HOOK1: variants seen among roughly 807,000 people sequenced by gnomAD.
The protein encoded by HOOK1 is hook microtubule tethering protein 1.
In HOOK1, 60 loss-of-function variants were observed where a neutral mutation model predicts 112.8. The ratio of observed to expected loss-of-function variants is 0.53; its 90% CI spans 0.43 to 0.66. HOOK1 has a LOEUF of 0.66. Ranked by LOEUF, HOOK1 falls within the 30% of genes least tolerant of loss-of-function variation. The probability of loss-of-function intolerance (pLI) is 0.00; values close to 1 mark genes in which losing one functional copy is unlikely to be tolerated. For missense variants in HOOK1, 770 were observed against 856.0 expected (o/e 0.90, Z 1.25); for synonymous variants, 294 against 283.8 (o/e 1.04, Z -0.36).
chr1:59,863,062 T>C (rs550340832), intron 16 of HOOK1, among the ~76,000 whole-genome samples, 185 bp downstream of exon 16: 31 of 152,166 alleles, frequency 2.0e-4, no homozygotes, highest in Admixed American at 1.2e-3. Context: ...GTTGATCATC[T>C]ACATTGGAAG....
chr1:59,826,423 GTTGTTTGAGAA>G (rs2098389986), intron 2 of HOOK1, among the ~76,000 whole-genome samples: 1 of 152,068 alleles, frequency 6.6e-6, no homozygotes, highest in Non-Finnish European at 1.5e-5. Flanking sequence ...TGCCATTATA[GTTGTTTGAGAA>G]GGGTGAATTT....
At position 59,850,591 on chromosome 1, in the gene HOOK1, A is replaced by G. The variant is rs577522636; in HGVS notation, c.1242+1408A>G. On this transcript the variant is annotated intron_variant, in intron 12 of 21. Coordinates refer to ENST00000371208, the MANE Select transcript of HOOK1 (RefSeq NM_015888.6). ...CTTTTGTATGTTGATATCCAGTTGT[A>G]CTAGTACCACCAGTTGATAAAACTA... Among the ~76,000 whole-genome samples the G allele has an allele frequency of 1.3e-3, 193 of 151,644 alleles. 1 individual carries two copies. Among genetic ancestry groups the G allele is most frequent in the African/African-American group, 4.4e-3 (181 of 41,512 alleles).
rs767465783 is a variant in HOOK1 at position 59,871,139 on chromosome 1, T to G, written c.2016+29T>G. The G allele has an allele frequency of 1.0e-5, 16 of 1,530,396 alleles. No individual in the cohort carries two copies. In the South Asian group the frequency reaches 1.7e-4, roughly 16 times the overall value. The allele number at this position is 1,530,396 out of a possible 1,614,324, so 94.8% of individuals were successfully genotyped here. ...AGCTGAAGTTCAGCAAATGATTGGA[T>G]GAGAACGGTGTTTAAGCAAACTTTT... On this transcript the variant is annotated intron_variant, in intron 21 of 21. Coordinates refer to ENST00000371208, the MANE Select transcript of HOOK1 (RefSeq NM_015888.6).
chr1:59,861,329 A>G (rs1173017097), intron 15 of HOOK1, among the ~76,000 whole-genome samples: 2 of 152,202 alleles, frequency 1.3e-5, no homozygotes, highest in Non-Finnish European at 2.9e-5. Context: ...TAAGATCTAG[A>G]TTGTGGAATC....
chr1:59,821,904 T>C lies in HOOK1; in HGVS notation c.110T>C (p.Leu37Pro), dbSNP rs749190179. 3 of 1,609,448 alleles carry C rather than the reference T, an allele frequency of 1.9e-6. No individual in the cohort carries two copies. The highest frequency in any genetic ancestry group is 2.5e-6 in the Non-Finnish European group (3 of 1,178,446). The change falls in exon 2 of 22, where the codon CTG becomes CCG. Residue 37 changes from leucine (L) to proline (P), a missense_variant. Around this residue, in one of 3 missense-constraint regions of HOOK1, gnomAD observed 655 missense variants for 725.9 expected, o/e 0.90. Coordinates refer to ENST00000371208, the MANE Select transcript of HOOK1 (RefSeq NM_015888.6). ...TCACCTTGTCAAGATGTCAAACAGCTGACTAGTGGAGTTGCCATGGCACAA... is the reference window on the plus strand; with the variant it reads ...TCACCTTGTCAAGATGTCAAACAGCCGACTAGTGGAGTTGCCATGGCACAA... The part of the protein sequence containing the change: ...TASPCQDVKQ[L>P]TSGVAMAQVL...
chr1:59,815,981 A>G (rs2098381122), intron 1 of HOOK1, among the ~76,000 whole-genome samples: 1 of 152,232 alleles, frequency 6.6e-6, no homozygotes, highest in Non-Finnish European at 1.5e-5. Context: ...CCCACCTCTT[A>G]GAGTTACTTA....
chr1:59,849,077 A>G lies in HOOK1; in HGVS notation c.1136A>G (p.Gln379Arg), dbSNP rs765349436. 1 of 1,602,458 alleles carries G rather than the reference A, an allele frequency of 6.2e-7. No homozygotes were observed. Among genetic ancestry groups the G allele is most frequent in the Admixed American group, 1.7e-5 (1 of 59,268 alleles). ...TCCTTTTGTTTCTGACATTAGGTTC[A>G]AGATCTTCATGTTAAACTTTCCTCC... ...TQLETYKRQV[Q>R]DLHVKLSSES... is the part of the protein sequence containing the mutation. Residue 379 changes from glutamine to arginine, a missense_variant, in exon 12 of 22, where the codon CAA (glutamine) becomes CGA (arginine). Gln to Arg is a conservative substitution (Grantham distance 43, BLOSUM62 1). Coordinates refer to ENST00000371208, the MANE Select transcript of HOOK1 (RefSeq NM_015888.6).
intron 3 of HOOK1, among the ~76,000 whole-genome samples, chr1:59,830,192 A>G (rs1036823296): frequency 6.6e-6 from 1 of 151,960 alleles, no homozygotes; most frequent in Non-Finnish European, 1.5e-5. Context: ...ATAAATATAG[A>G]TTTTGTTAAA....
intron 12 of HOOK1, among the ~76,000 whole-genome samples, chr1:59,852,579 G>T (rs2098407768): frequency 1.4e-5 from 2 of 145,294 alleles, no homozygotes; most frequent in Non-Finnish European, 1.5e-5. Flanking sequence ...TGTCAATTTT[G>T]TTGATCTTTT....
At chr1:59,857,103 C>T (rs1016023220) in intron 12 of HOOK1, among the ~76,000 whole-genome samples, 2 of 152,244 alleles carry the variant, frequency 1.3e-5, no homozygotes, top group East Asian at 1.9e-4. Flanking sequence ...CCAAATGTCT[C>T]GGAAATATTT....
intron 10 of HOOK1, 37 bp from the exon 11 acceptor site, chr1:59,848,278 G>C: frequency 1.4e-6 from 2 of 1,479,580 alleles, no homozygotes; most frequent in South Asian, 2.4e-5. Context: ...GTATATACTA[G>C]TTTTTGTACA....
intron 16 of HOOK1, among the ~76,000 whole-genome samples, 184 bp downstream of exon 16, chr1:59,863,061 C>G (rs1239476041): frequency 6.6e-6 from 1 of 152,116 alleles, no homozygotes; most frequent in Non-Finnish European, 1.5e-5. Context: ...AGTTGATCAT[C>G]TACATTGGAA....
chr1:59,816,132 T>TTTAC (rs1293454003), intron 1 of HOOK1, among the ~76,000 whole-genome samples: 2 of 152,198 alleles, frequency 1.3e-5, no homozygotes, highest in African/African-American at 2.4e-5. Context: ...GCAGATGGAA[T>TTTAC]GTAAACAGAC....
rs1247514164 is a variant in HOOK1 at position 59,874,829 on chromosome 1, C to G, written c.*1864C>G. Reference sequence around the variant, plus strand: ...TGGTTTTTAGATTCTTGCCTGGTAACTTTTTACTGAAAATACAAGAATTTC... The same window carrying G: ...TGGTTTTTAGATTCTTGCCTGGTAAGTTTTTACTGAAAATACAAGAATTTC... On this transcript the variant is annotated 3_prime_UTR_variant, in exon 22 of 22. Coordinates refer to ENST00000371208, the MANE Select transcript of HOOK1 (RefSeq NM_015888.6). 1 of 152,424 alleles carries G rather than the reference C, an allele frequency of 6.6e-6. No individual in the cohort carries two copies. Among genetic ancestry groups the G allele is most frequent in the Non-Finnish European group, 1.5e-5 (1 of 67,976 alleles). 9.4% of individuals were successfully genotyped at this position (152,424 alleles called of 1,614,324 possible). A position where few individuals can be genotyped will look rare whatever the true frequency, so the allele number is the denominator to read the frequency against.
rs951856542 is a variant in HOOK1 at position 59,874,297 on chromosome 1, G to T, written c.*1332G>T. 11 of 151,972 alleles carry T rather than the reference G, an allele frequency of 7.2e-5. No individual in the cohort carries two copies. Among genetic ancestry groups the T allele is most frequent in the Non-Finnish European group, 1.6e-4 (11 of 67,988 alleles). 9.4% of individuals were successfully genotyped at this position (151,972 alleles called of 1,614,324 possible). On this transcript the variant is annotated 3_prime_UTR_variant, in exon 22 of 22. Coordinates refer to ENST00000371208, the MANE Select transcript of HOOK1 (RefSeq NM_015888.6). ...ACCATAATCTTTTTATAGTAACTTGGAAATACTATTTGATATTAGATGTTA... is the reference window on the plus strand; with the variant it reads ...ACCATAATCTTTTTATAGTAACTTGTAAATACTATTTGATATTAGATGTTA...
chr1:59,868,433 G>A, intron 20 of HOOK1, 82 bp downstream of exon 20: 2 of 857,934 alleles, frequency 2.3e-6, no homozygotes, highest in Non-Finnish European at 1.9e-6. Flanking sequence ...TGTCATTAAT[G>A]ATCAAGTTTT....
At chr1:59,828,081 C>T (rs940173426) in intron 2 of HOOK1, among the ~76,000 whole-genome samples, 1 of 152,058 alleles carries the variant, frequency 6.6e-6, no homozygotes, top group African/African-American at 2.4e-5. Flanking sequence ...TGCTCAATTC[C>T]TTACTCAGAG....
chr1:59,831,728 G>T (rs2098394118), intron 3 of HOOK1, among the ~76,000 whole-genome samples: 2 of 152,192 alleles, frequency 1.3e-5, no homozygotes, highest in Admixed American at 6.5e-5. Flanking sequence ...CAGAAAGCTT[G>T]TACTAGTGTA....
rs1433273227 is a variant in HOOK1 at position 59,815,192 on chromosome 1, G to T, written c.63+12G>T. ...GCCTCATGATCTGGGTGAGTGCGAG[G>T]AGGCGAGAGGGCGAGGGGGCCAGGG... is the stretch of plus-strand genomic sequence containing the variant. On this transcript the variant is annotated intron_variant, in intron 1 of 21. Transcript: ENST00000371208. The T allele has an allele frequency of 3.9e-6, 6 of 1,542,686 alleles. No homozygotes were observed.
Sources: gnomAD v4.1 joint callset for allele counts (sites outside exome capture counted in the v4.1 genomes callset) on GRCh38, gnomAD v4.1.1 for gene constraint, gnomAD v4.1.1 regional missense constraint, MANE v1.5 for transcripts, NCBI Gene and HGNC (gene_info 2026-07-23, HGNC 2026-07-21) for gene names.